Variants in ERC2 observed in about 807,000 individuals in gnomAD.
ERC2 encodes ERC protein 2.
Under a neutral mutation model 114.8 loss-of-function variants are expected in ERC2, and 42 were observed. The observed-to-expected ratio is 0.37, with a 90% CI of 0.29 to 0.47. The LOEUF (loss-of-function observed/expected upper bound fraction) is 0.47. Among genes scored for constraint, ERC2 ranks in the 20% least tolerant of loss-of-function variants. The probability of loss-of-function intolerance (pLI) is 0.99; values close to 1 mark genes in which losing one functional copy is unlikely to be tolerated. For missense variants in ERC2, 939 were observed against 1,150.7 expected (o/e 0.82, Z 2.66); for synonymous variants, 454 against 425.5 (o/e 1.07, Z -0.82).
In ERC2 at chr3:55,583,365, GCCTGCCTTCTTTCCTTCTTTCTTTCCTT is replaced by G. The variant is rs1559691754; in HGVS notation, c.*40-72117_*40-72090del. The stretch of plus-strand genomic sequence containing the variant: ...TGTCTGCCTGCCTGCCTGCCTGCCT[GCCTGCCTTCTTTCCTTCTTTCTTTCCTT>G]CCTTCTTTCCTTCCTTCCTTCCTTC... On this transcript the variant is annotated intron_variant, in intron 17 of 17. Transcript: ENST00000288221. 2.6e-4 allele frequency among the ~76,000 whole-genome samples: 38 copies of G among 146,432 alleles called. 1 individual carries two copies. Among genetic ancestry groups the G allele is most frequent in the African/African-American group, 7.7e-4 (31 of 40,182 alleles).
intron 2 of ERC2, among the ~76,000 whole-genome samples, chr3:56,421,182 C>T (rs2061376104): frequency 6.6e-6 from 1 of 152,190 alleles, no homozygotes; most frequent in African/African-American, 2.4e-5. Context: ...CAGAAGTTAA[C>T]TAGTTATAGA....
chr3:55,774,358 A>G (rs559187507), intron 14 of ERC2, among the ~76,000 whole-genome samples: 8 of 152,218 alleles, frequency 5.3e-5, no homozygotes, highest in Non-Finnish European at 1.0e-4. Flanking sequence ...GCATTTAGAC[A>G]CTGGGGAAAT....
intron 15 of ERC2, among the ~76,000 whole-genome samples, chr3:55,725,308 C>T (rs2064842754): frequency 6.6e-6 from 1 of 152,124 alleles, no homozygotes; most frequent in African/African-American, 2.4e-5. Flanking sequence ...GTGAGTTTCT[C>T]CACTCCTCCT....
intron 17 of ERC2, among the ~76,000 whole-genome samples, chr3:55,630,225 G>A (rs973081727): frequency 2.0e-5 from 3 of 152,154 alleles, no homozygotes; most frequent in Admixed American, 1.3e-4. Context: ...ACTGGAGTGC[G>A]ATGGCGCGAT....
rs17056508 is a variant in ERC2, at chr3:56,155,794, G to T, written c.1150-6662C>A. Among the ~76,000 whole-genome samples the T allele has an allele frequency of 4.0e-3, 609 of 152,172 alleles. 5 individuals are homozygous for T. The highest frequency in any genetic ancestry group is 0.014 in the African/African-American group (588 of 41,526). ...ACAAAATCAAGAGCACTCAGCATGT[G>T]CCCAGGATATAATATTTAATAAATG... is the stretch of plus-strand genomic sequence containing the variant. On this transcript the variant is annotated intron_variant, in intron 4 of 17. Coordinates refer to ENST00000288221, the MANE Select transcript of ERC2 (RefSeq NM_015576.3).
chr3:55,866,063 T>C (rs1311314175), intron 14 of ERC2, among the ~76,000 whole-genome samples: 1 of 152,196 alleles, frequency 6.6e-6, no homozygotes, highest in East Asian at 1.9e-4. Flanking sequence ...CATTTTACAG[T>C]CCTACTGGCA....
intron 7 of ERC2, among the ~76,000 whole-genome samples, chr3:56,059,301 C>T (rs2076149676): frequency 6.6e-6 from 1 of 151,894 alleles, no homozygotes; most frequent in South Asian, 2.1e-4. Context: ...CTGTTGGCCA[C>T]GGTGGTCTCG....
chr3:55,950,743 C>A (rs2067444832), intron 12 of ERC2, among the ~76,000 whole-genome samples, 183 bp from the exon 13 acceptor site: 1 of 152,176 alleles, frequency 6.6e-6, no homozygotes, highest in Admixed American at 6.5e-5. Context: ...AATACCAGGT[C>A]CCAGGACGGC....
intron 7 of ERC2, among the ~76,000 whole-genome samples, chr3:56,038,434 C>T (rs1327008045): frequency 1.3e-5 from 2 of 152,098 alleles, no homozygotes; most frequent in Non-Finnish European, 2.9e-5. Flanking sequence ...CAAGAAACAA[C>T]AGATGCTGGT....
At chr3:56,083,699 T>C (rs1343040281) in intron 6 of ERC2, among the ~76,000 whole-genome samples, 1 of 151,700 alleles carries the variant, frequency 6.6e-6, no homozygotes. Context: ...ACTGGGAGAA[T>C]GAAGTGGGGG....
Position 56,100,489 on chromosome 3 carries a change from G to C in ERC2, c.1474-19505C>G, listed in dbSNP as rs1013751131. 8.5e-5 allele frequency among the ~76,000 whole-genome samples: 13 copies of C among 152,244 alleles called. No homozygotes were observed. In the East Asian group the frequency reaches 2.1e-3, roughly 25 times the overall value. On this transcript the variant is annotated intron_variant, in intron 6 of 17. Transcript: ENST00000288221. Reference sequence around the variant, plus strand: ...CTTACGTGACTTCACTTTATACAGCGTGAGTTAATTCTACACTCAACAAAA... The same window carrying C: ...CTTACGTGACTTCACTTTATACAGCCTGAGTTAATTCTACACTCAACAAAA...
chr3:56,391,549 C>T (rs2060128819), intron 2 of ERC2, among the ~76,000 whole-genome samples: 1 of 152,120 alleles, frequency 6.6e-6, no homozygotes, highest in Non-Finnish European at 1.5e-5. Flanking sequence ...ATTCTAAATA[C>T]CATGTCATGT....
intron 6 of ERC2, among the ~76,000 whole-genome samples, chr3:56,089,288 T>C (rs982903902): frequency 6.6e-6 from 1 of 152,160 alleles, no homozygotes; most frequent in Non-Finnish European, 1.5e-5. Flanking sequence ...TGAGGAGTGA[T>C]TTCTCCCTGG....
At chr3:56,200,464 T>C (rs1374697932) in intron 3 of ERC2, among the ~76,000 whole-genome samples, 1 of 152,132 alleles carries the variant, frequency 6.6e-6, no homozygotes, top group East Asian at 1.9e-4. Flanking sequence ...CTCACCCAAC[T>C]GTGAATCAGA....
intron 13 of ERC2, among the ~76,000 whole-genome samples, chr3:55,929,362 A>G (rs2065937343): frequency 6.6e-6 from 1 of 152,158 alleles, no homozygotes; most frequent in Non-Finnish European, 1.5e-5. Flanking sequence ...CACCCCTCAC[A>G]GGTACTGCCC....
At chr3:56,145,080 AC>A (rs1390810534) in intron 5 of ERC2, among the ~76,000 whole-genome samples, 1 of 152,160 alleles carries the variant, frequency 6.6e-6, no homozygotes, top group Non-Finnish European at 1.5e-5. Context: ...TCCCCCACTT[AC>A]GTCTGTGACA....
At chr3:56,124,919 A>C (rs944099120) in intron 6 of ERC2, among the ~76,000 whole-genome samples, 2 of 152,230 alleles carry the variant, frequency 1.3e-5, no homozygotes, top group African/African-American at 4.8e-5. Flanking sequence ...GAAATCTTAC[A>C]TAAATTAGTG....
chr3:55,524,584 G>C (rs1041091158), intron 17 of ERC2, among the ~76,000 whole-genome samples: 5 of 151,218 alleles, frequency 3.3e-5, no homozygotes, highest in Admixed American at 1.3e-4. Context: ...ACCTGGACAG[G>C]AAGACTTGGG....
At chr3:55,677,467 T>C (rs573201614) in intron 17 of ERC2, among the ~76,000 whole-genome samples, 199 of 152,282 alleles carry the variant, frequency 1.3e-3, no homozygotes, top group East Asian at 1.2e-3. Flanking sequence ...TACAGTACAC[T>C]TTCCTGAGCC....
Sources: gnomAD v4.1 joint callset for allele counts (sites outside exome capture counted in the v4.1 genomes callset) on GRCh38, gnomAD v4.1.1 for gene constraint, MANE v1.5 for transcripts, NCBI Gene and HGNC (gene_info 2026-07-23, HGNC 2026-07-21) for gene names.